Variants in GOLGA3 observed in about 807,000 individuals in gnomAD.
GOLGA3 encodes the protein golgin A3.
A neutral mutation model predicts 169.4 loss-of-function variants in GOLGA3; 75 were observed. The ratio of observed to expected loss-of-function variants is 0.44; its 90% CI spans 0.37 to 0.54. The LOEUF is 0.54. Among genes scored for constraint, GOLGA3 ranks in the 20% least tolerant of loss-of-function variants. The pLI, the probability that GOLGA3 is intolerant of heterozygous loss-of-function variation, is 0.00. For missense variants in GOLGA3, 1,899 were observed against 1,930.0 expected (o/e 0.98, Z 0.30); for synonymous variants, 824 against 822.4 (o/e 1.00, Z -0.03).
intron 11 of GOLGA3, among the ~76,000 whole-genome samples, chr12:132,793,043 C>G (rs1176675313): frequency 1.5e-5 from 1 of 68,182 alleles, no homozygotes; most frequent in East Asian, 4.6e-4. Flanking sequence ...CACACAGACC[C>G]ACCGCACGGG....
rs1291866584 is a variant in GOLGA3 at position 132,784,324 on chromosome 12, A to T, written c.3124-17T>A. On this transcript the variant is annotated splice_polypyrimidine_tract_variant and intron_variant, in intron 15 of 23. Coordinates refer to ENST00000450791, the MANE Select transcript of GOLGA3 (RefSeq NM_001389683.1). ...GATCCTTTCCTAAGGGCCAAGATGG[A>T]ACGGGCGCTTGGTCATGGGACAGGC... 3.8e-6 allele frequency: 6 copies of T among 1,597,994 alleles called. No individual in the cohort carries two copies. Among genetic ancestry groups the T allele is most frequent in the Non-Finnish European group, 5.1e-6 (6 of 1,175,474 alleles).
At chr12:132,786,664 G>T in intron 14 of GOLGA3, 29 bp downstream of exon 14, 2 of 604,378 alleles carry the variant, frequency 3.3e-6, no homozygotes, top group East Asian at 9.3e-5. Flanking sequence ...CCTGGCCCCC[G>T]CACCTCCCCC....
chr12:132,807,858 A>G (rs1187796736), intron 5 of GOLGA3, 33 bp downstream of exon 5: 1 of 152,012 alleles, frequency 6.6e-6, no homozygotes, highest in Non-Finnish European at 1.2e-5. Context: ...ACCCACCTCC[A>G]CCCACCCCGC....
In GOLGA3 at chr12:132,799,954, T is replaced by C. The variant is rs111696067; in HGVS notation, c.1801-1477A>G. Among the ~76,000 whole-genome samples, 85 of 152,268 alleles carry C rather than the reference T, an allele frequency of 5.6e-4. 2 individuals carry two copies. The highest frequency in any genetic ancestry group is 2.0e-3 in the African/African-American group (85 of 41,570). ...TGCAGTTTCGCTATGTTGGCCAGGC[T>C]GGTCTTGAACTCCTGGCCTCAAGTG... On this transcript the variant is annotated intron_variant, in intron 8 of 23. Coordinates refer to ENST00000450791, the MANE Select transcript of GOLGA3 (RefSeq NM_001389683.1).
At chr12:132,821,848 C>T (rs1322828387) in intron 2 of GOLGA3, 148 bp downstream of exon 2, 16 of 556,694 alleles carry the variant, frequency 2.9e-5, no homozygotes, top group African/African-American at 1.0e-4. Flanking sequence ...AGCGAGACTC[C>T]GTCTCAAAAA....
At chr12:132,775,454 C>A in intron 21 of GOLGA3, 149 bp from the exon 22 acceptor site, 1 of 622,514 alleles carries the variant, frequency 1.6e-6, no homozygotes, top group Non-Finnish European at 2.6e-6. Flanking sequence ...TGCTCAGGAC[C>A]AGAAGTGTGT....
At position 132,801,778 on chromosome 12, in the gene GOLGA3, C is replaced by A; in HGVS notation, c.1789G>T (p.Ala597Ser). 6.2e-7 allele frequency: 1 copy of A among 1,612,136 alleles called. No individual in the cohort carries two copies. Among genetic ancestry groups the A allele is most frequent in the South Asian group, 1.1e-5 (1 of 91,074 alleles). ...EARVRLQGEM[A>S]HIQVGQMTQA... ...GATGTGGGCCGTACCTGGATGTGGG[C>A]CATCTCACCCTGCAGCCTGACGCGG... The change falls in exon 8 of 24, where the codon GCC becomes TCC. Residue 597 changes from alanine to serine, a missense_variant. By Grantham distance (99) the Ala-to-Ser change is moderately conservative. Coordinates refer to ENST00000450791, the MANE Select transcript of GOLGA3 (RefSeq NM_001389683.1).
At chr12:132,797,786 A>T (rs1948926532) in intron 9 of GOLGA3, among the ~76,000 whole-genome samples, 1 of 152,028 alleles carries the variant, frequency 6.6e-6, no homozygotes, top group Admixed American at 6.6e-5. Context: ...AACAGCTATC[A>T]AGGCTGCTGC....
At chr12:132,791,690 T>C (rs965510508) in intron 11 of GOLGA3, among the ~76,000 whole-genome samples, 4 of 124,398 alleles carry the variant, frequency 3.2e-5, no homozygotes, top group African/African-American at 9.2e-5. Flanking sequence ...GCATGAATAT[T>C]ACACTGAGGG....
intron 3 of GOLGA3, among the ~76,000 whole-genome samples, chr12:132,813,980 T>G (rs1379326717): frequency 3.3e-5 from 5 of 149,984 alleles, no homozygotes; most frequent in Non-Finnish European, 4.4e-5. Context: ...CGCCTCGGCC[T>G]CCCAAAGTGC....
intron 1 of GOLGA3, among the ~76,000 whole-genome samples, chr12:132,828,067 C>G (rs994099925): frequency 4.6e-5 from 7 of 152,196 alleles, no homozygotes; most frequent in African/African-American, 1.7e-4. Context: ...CCTCCGCCCT[C>G]AGGGTCTTCA....
At chr12:132,818,518 T>C (rs940353513) in intron 2 of GOLGA3, among the ~76,000 whole-genome samples, 2 of 152,260 alleles carry the variant, frequency 1.3e-5, no homozygotes, top group African/African-American at 4.8e-5. Flanking sequence ...CCTCCCACAG[T>C]GCTGGGATTA....
Position 132,804,837 on chromosome 12 carries a change from C to T in GOLGA3, c.1476G>A (p.Glu492=). Residue 492 remains glutamate, a synonymous_variant, in exon 7 of 24, where the codon GAG becomes GAA. Coordinates refer to ENST00000450791, the MANE Select transcript of GOLGA3 (RefSeq NM_001389683.1). This position sits in a 1 kb window ranked among gnomAD's most constrained non-coding sequence, Gnocchi z 4.1. The stretch of plus-strand genomic sequence containing the variant: ...ACGACGCCAGGCTGGCATTTTTTGC[C>T]TCCAGCATGTTCTGCAGGTCAGTCA... The part of the protein sequence containing the change: ...RAMTDLQNML[E]AKNASLASSN... The T allele has an allele frequency of 6.2e-7, 1 of 1,614,186 alleles. No individual in the cohort carries two copies. The highest frequency in any genetic ancestry group is 8.5e-7 in the Non-Finnish European group (1 of 1,180,016).
At chr12:132,786,206 G>A (rs902214809) in intron 15 of GOLGA3, 133 bp downstream of exon 15, 3 of 620,594 alleles carry the variant, frequency 4.8e-6, no homozygotes, top group African/African-American at 1.9e-5. Context: ...GAAGATGAGC[G>A]GGAGTTTAGA....
chr12:132,785,394 C>G (rs1405916714), intron 15 of GOLGA3, among the ~76,000 whole-genome samples: 1 of 152,192 alleles, frequency 6.6e-6, no homozygotes, highest in Non-Finnish European at 1.5e-5. Flanking sequence ...CAGTTTCAGC[C>G]TCACCTCCCA....
intron 9 of GOLGA3, among the ~76,000 whole-genome samples, chr12:132,797,311 G>A (rs901287045): frequency 6.6e-6 from 1 of 152,164 alleles, no homozygotes; most frequent in Non-Finnish European, 1.5e-5. Flanking sequence ...TCGGCAACGA[G>A]ACCAGCCCAG....
Position 132,780,117 on chromosome 12 carries a change from G to A in GOLGA3, c.3582+681C>T, listed in dbSNP as rs533104980. 1.5e-3 allele frequency among the ~76,000 whole-genome samples: 43 copies of A among 28,250 alleles called. 1 individual carries two copies. The highest frequency in any genetic ancestry group is 0.014 in the East Asian group (33 of 2,408). The allele number at this position is 28,250 out of a possible 152,430, so 18.5% of individuals were successfully genotyped here. On this transcript the variant is annotated intron_variant, in intron 18 of 23. Transcript: ENST00000450791. Reference sequence around the variant, plus strand: ...ATCACACTTGCACGCACAGCCCCCCGCGTGCACACACCCCAGGCACACGTG... The same window carrying A: ...ATCACACTTGCACGCACAGCCCCCCACGTGCACACACCCCAGGCACACGTG...
rs1037577946 is a variant in GOLGA3 at position 132,772,008 on chromosome 12, G to A, written c.*1097C>T. 1 of 152,300 alleles carries A rather than the reference G, an allele frequency of 6.6e-6. No homozygotes were observed. The highest frequency in any genetic ancestry group is 1.5e-5 in the Non-Finnish European group (1 of 68,068). The allele number at this position is 152,300 out of a possible 1,614,324, so 9.4% of individuals were successfully genotyped here. A position where few individuals can be genotyped will look rare whatever the true frequency, so the allele number is the denominator to read the frequency against. On this transcript the variant is annotated 3_prime_UTR_variant, in exon 24 of 24. Coordinates refer to ENST00000450791, the MANE Select transcript of GOLGA3 (RefSeq NM_001389683.1). ...GCCACGGTGGAATCACACAGGGCCA[G>A]TGGCCTGAGAGGAAGAGACCAGCAG...
intron 2 of GOLGA3, among the ~76,000 whole-genome samples, chr12:132,820,687 C>A (rs1250432947): frequency 1.3e-5 from 2 of 152,196 alleles, no homozygotes; most frequent in East Asian, 3.8e-4. Context: ...GTCACCCTTT[C>A]CCTCTGACAC....
Sources: allele counts gnomAD v4.1 joint callset (sites outside exome capture counted in the v4.1 genomes callset), GRCh38; gene constraint gnomAD v4.1.1; non-coding constraint Gnocchi (gnomAD v3.1); transcripts MANE v1.5; gene names NCBI Gene and HGNC (gene_info 2026-07-23, HGNC 2026-07-21).